Variants in UNC5D observed in about 807,000 individuals in gnomAD.
UNC5D encodes the protein netrin receptor UNC5D.
In UNC5D, 39 loss-of-function variants were observed where a neutral mutation model predicts 105.4. The ratio of observed to expected loss-of-function variants is 0.37; its 90% CI spans 0.29 to 0.48. The LOEUF is 0.48. UNC5D is among the 20% of genes least tolerant of loss of function. The pLI, the probability that UNC5D is intolerant of heterozygous loss-of-function variation, is 0.98. For missense variants in UNC5D, 991 were observed against 1,202.4 expected (o/e 0.82, Z 2.60); for synonymous variants, 452 against 450.4 (o/e 1.00, Z -0.04).
intron 4 of UNC5D, among the ~76,000 whole-genome samples, chr8:35,605,483 T>C (rs147988742): frequency 0.1 from 15,971 of 152,232 alleles, 899 homozygotes; most frequent in African/African-American, 0.14. Context: ...TTAGGCTACT[T>C]GGCGGTCAGG....
At position 35,790,392 on chromosome 8, in the gene UNC5D, A is replaced by G. The variant is rs1342721952; in HGVS notation, c.2691A>G (p.Pro897=). ...CTTATTTCGCTACACAAAGTAGCCC[A>G]TCTGCTGTCATTTTGAACCTGTGGG... ...NLSYFATQSS[P]SAVILNLWEA... The change falls in exon 17 of 17, where the codon CCA becomes CCG. Residue 897 remains proline, a synonymous_variant. Coordinates refer to ENST00000404895, the MANE Select transcript of UNC5D (RefSeq NM_080872.4). The G allele has an allele frequency of 1.2e-6, 2 of 1,613,796 alleles. No homozygotes were observed. Among genetic ancestry groups the G allele is most frequent in the East Asian group, 2.2e-5 (1 of 44,876 alleles).
intron 4 of UNC5D, among the ~76,000 whole-genome samples, chr8:35,669,183 C>G (rs1824613795): frequency 6.6e-6 from 1 of 152,128 alleles, no homozygotes; most frequent in African/African-American, 2.4e-5. Context: ...ATATTTATTT[C>G]AATGCCTTAT....
chr8:35,683,906 G>C (rs1825839436), intron 5 of UNC5D, among the ~76,000 whole-genome samples, 179 bp downstream of exon 5: 4 of 152,170 alleles, frequency 2.6e-5, no homozygotes, highest in Admixed American at 2.6e-4. Context: ...CTATTAATGT[G>C]TTTGCTGTTC....
At chr8:35,264,183 C>T (rs1226538970) in intron 1 of UNC5D, among the ~76,000 whole-genome samples, 1 of 152,178 alleles carries the variant, frequency 6.6e-6, no homozygotes, top group Non-Finnish European at 1.5e-5. Flanking sequence ...ACTAAATTTA[C>T]AGCAAAAATT....
In UNC5D at chr8:35,438,096, AAAACAAAC is replaced by A. The variant is rs370599517; in HGVS notation, c.104-111180_104-111173del. Among the ~76,000 whole-genome samples, 8 of 152,060 alleles carry A rather than the reference AAAACAAAC, an allele frequency of 5.3e-5. No homozygotes were observed. The East Asian group carries it at 7.8e-4, about 15-fold the overall frequency. On this transcript the variant is annotated intron_variant, in intron 1 of 16. Transcript: ENST00000404895. ...ACCCTTTGTCCATTTTGGAAAAGGC[AAAACAAAC>A]AAACAAACAAACAAAAAACAAAAAA...
chr8:35,420,024 G>T (rs897085278), intron 1 of UNC5D, among the ~76,000 whole-genome samples: 9 of 152,012 alleles, frequency 5.9e-5, no homozygotes, highest in African/African-American at 2.2e-4. Context: ...ATTGGTCCAT[G>T]GGTGGGCCTG....
At chr8:35,442,885 T>TTC (rs150886923) in intron 1 of UNC5D, among the ~76,000 whole-genome samples, 8,022 of 135,364 alleles carry the variant, frequency 0.059, 334 homozygotes, top group African/African-American at 0.12. Context: ...CTCTCTCTGT[T>TTC]TCTCTCTCTC....
intron 1 of UNC5D, among the ~76,000 whole-genome samples, chr8:35,548,882 T>C (rs1262649872): frequency 6.6e-6 from 1 of 152,194 alleles, no homozygotes; most frequent in Non-Finnish European, 1.5e-5. Flanking sequence ...TTCACATACA[T>C]GTGTGGGAGA....
At chr8:35,242,028 A>G (rs1802837305) in intron 1 of UNC5D, among the ~76,000 whole-genome samples, 1 of 152,160 alleles carries the variant, frequency 6.6e-6, no homozygotes, top group Non-Finnish European at 1.5e-5. Flanking sequence ...GCTGTCTTCC[A>G]AGAGAGGTCA....
chr8:35,400,944 C>T (rs546100254), intron 1 of UNC5D, among the ~76,000 whole-genome samples: 3 of 152,242 alleles, frequency 2.0e-5, no homozygotes, highest in African/African-American at 7.2e-5. Flanking sequence ...TTTATTAGCA[C>T]TGGATGTGTC....
intron 11 of UNC5D, among the ~76,000 whole-genome samples, chr8:35,737,252 C>CTGTGTGTGTGTGTGTGTG (rs369792188): frequency 3.3e-5 from 4 of 119,846 alleles, no homozygotes; most frequent in African/African-American, 1.5e-4. Context: ...AAGATCTGCT[C>CTGTGTGTGTGTGTGTGTG]TGTGTGTGTG....
chr8:35,452,398 G>A (rs1010684511), intron 1 of UNC5D, among the ~76,000 whole-genome samples: 2 of 152,058 alleles, frequency 1.3e-5, no homozygotes, highest in Non-Finnish European at 2.9e-5. Context: ...CTGAGTGGCT[G>A]GAACTACAGG....
At chr8:35,524,679 A>AT (rs1202700630) in intron 1 of UNC5D, among the ~76,000 whole-genome samples, 2 of 150,856 alleles carry the variant, frequency 1.3e-5, no homozygotes, top group Non-Finnish European at 1.5e-5. Flanking sequence ...AGAAAAAAAA[A>AT]GGAAAAGAAA....
chr8:35,652,682 A>C (rs1823495775), intron 4 of UNC5D, among the ~76,000 whole-genome samples: 1 of 151,822 alleles, frequency 6.6e-6, no homozygotes, highest in Admixed American at 6.6e-5. Flanking sequence ...GCCAGGTGTG[A>C]AAATCTTCTC....
Position 35,494,133 on chromosome 8 carries a change from C to A in UNC5D, c.104-55159C>A, listed in dbSNP as rs1811390895. 1.3e-5 allele frequency among the ~76,000 whole-genome samples: 2 copies of A among 152,052 alleles called. 1 individual carries two copies. Among genetic ancestry groups the A allele is most frequent in the South Asian group, 4.1e-4 (2 of 4,830 alleles). ...TTTTATTGTTGCACTTCAGCTGTCT[C>A]TTTCTCTCTTAAACTCTAAAGAAAT... On this transcript the variant is annotated intron_variant, in intron 1 of 16. Transcript: ENST00000404895.
chr8:35,780,301 G>A (rs1802445010), intron 16 of UNC5D, among the ~76,000 whole-genome samples: 1 of 152,202 alleles, frequency 6.6e-6, no homozygotes, highest in South Asian at 2.1e-4. Flanking sequence ...CATATCTCAT[G>A]CCTGACATGC....
chr8:35,518,046 G>C (rs957391074), intron 1 of UNC5D, among the ~76,000 whole-genome samples: 1 of 151,852 alleles, frequency 6.6e-6, no homozygotes, highest in Admixed American at 6.6e-5. Context: ...TTTTGGGGGG[G>C]GCATAAACAT....
At chr8:35,534,017 C>CA (rs11428411) in intron 1 of UNC5D, among the ~76,000 whole-genome samples, 19,438 of 152,186 alleles carry the variant, frequency 0.13, 1,525 homozygotes, top group East Asian at 0.27. Flanking sequence ...CTGCGTCGCT[C>CA]ACGCTGGGAA....
chr8:35,313,346 G>A (rs546349977), intron 1 of UNC5D, among the ~76,000 whole-genome samples: 18 of 152,146 alleles, frequency 1.2e-4, no homozygotes, highest in African/African-American at 3.6e-4. Context: ...TTTGATGGTC[G>A]AACTGTGCTA....
Sources: gnomAD v4.1 joint callset for allele counts (sites outside exome capture counted in the v4.1 genomes callset) on GRCh38, gnomAD v4.1.1 for gene constraint, MANE v1.5 for transcripts, NCBI Gene and HGNC (gene_info 2026-07-23, HGNC 2026-07-21) for gene names.